CCDC30: variants seen among roughly 807,000 people sequenced by gnomAD.
The protein encoded by CCDC30 is coiled-coil domain containing 30.
Under a neutral mutation model 100.2 loss-of-function variants are expected in CCDC30, and 70 were observed. That is an observed-to-expected ratio of 0.70 (90% CI 0.58 to 0.85). The LOEUF (loss-of-function observed/expected upper bound fraction) is 0.85, where lower values mean the gene tolerates loss of function less well. CCDC30 is among the 40% of genes least tolerant of loss of function. CCDC30 has a pLI of 0.00. For synonymous variants in CCDC30, 233 were observed against 269.5 expected (o/e 0.86, Z 1.33); for missense variants, 652 against 771.2 (o/e 0.85, Z 1.83).
intron 11 of CCDC30, among the ~76,000 whole-genome samples, chr1:42,634,249 CAAAAA>C (rs754829759): frequency 0.11 from 11,912 of 113,336 alleles, 288 homozygotes; most frequent in East Asian, 0.25. Context: ...AAGACTGTCT[CAAAAA>C]AAAAAAAAAA....
chr1:42,602,653 A>C (rs552567557), intron 10 of CCDC30, among the ~76,000 whole-genome samples: 1 of 152,292 alleles, frequency 6.6e-6, no homozygotes, highest in African/African-American at 2.4e-5. Flanking sequence ...CCACATACTA[A>C]CCTTCTAAAA....
chr1:42,649,191 TA>T (rs1172856286), intron 15 of CCDC30, among the ~76,000 whole-genome samples: 1 of 152,124 alleles, frequency 6.6e-6, no homozygotes, highest in Non-Finnish European at 1.5e-5. Context: ...ACAAACTCAT[TA>T]AATGAGGCCA....
chr1:42,549,677 G>A (rs912576634), intron 6 of CCDC30, among the ~76,000 whole-genome samples: 1 of 152,092 alleles, frequency 6.6e-6, no homozygotes, highest in African/African-American at 2.4e-5. Flanking sequence ...ACACATAGTA[G>A]GTACTCACAA....
At chr1:42,627,172 G>C (rs575757227) in intron 11 of CCDC30, among the ~76,000 whole-genome samples, 2 of 152,286 alleles carry the variant, frequency 1.3e-5, no homozygotes, top group East Asian at 3.9e-4. Context: ...AACTTGTTGG[G>C]AACTGGAGCA....
At chr1:42,533,019 A>T (rs1039309107) in intron 6 of CCDC30, among the ~76,000 whole-genome samples, 1 of 152,142 alleles carries the variant, frequency 6.6e-6, no homozygotes, top group African/African-American at 2.4e-5. Flanking sequence ...GGCCTCCCAA[A>T]GTGCTGGGAT....
At chr1:42,585,902 C>A (rs183934588) in intron 9 of CCDC30, among the ~76,000 whole-genome samples, 1 of 150,550 alleles carries the variant, frequency 6.6e-6, no homozygotes, top group East Asian at 2.0e-4. Context: ...GACATTGTTA[C>A]ATAGATATAT....
intron 6 of CCDC30, chr1:42,537,112 G>A (rs1644920190): frequency 4.5e-6 from 2 of 447,178 alleles, no homozygotes; most frequent in Non-Finnish European, 8.9e-6. Context: ...GGGTAGCTCT[G>A]TTGTTTCTCC....
the CCDC30 span, chr1:42,456,586 A>G: frequency 1.1e-5 from 16 of 1,496,908 alleles, no homozygotes; most frequent in Non-Finnish European, 1.4e-5. Flanking sequence ...TGGATCCGGT[A>G]GCCGAGTTCC....
chr1:42,651,469 G>GA (rs890819237), intron 15 of CCDC30, among the ~76,000 whole-genome samples: 48 of 141,618 alleles, frequency 3.4e-4, no homozygotes, highest in South Asian at 1.8e-3. Context: ...ACAGATATAT[G>GA]AAAAAAAAAA....
At position 42,644,943 on chromosome 1, in the gene CCDC30, G is replaced by C. The variant is rs1369875016; in HGVS notation, c.1671+136G>C. 4 of 620,754 alleles carry C rather than the reference G, an allele frequency of 6.4e-6. No individual in the cohort carries two copies. The Admixed American group carries it at 1.1e-4, about 17-fold the overall frequency. The allele number at this position is 620,754 out of a possible 1,614,324, so 38.5% of individuals were successfully genotyped here. ...CCTCATGGTAGGCTGTGGCAAAGAG[G>C]CTCTTGGCTGCACACCAGGATAGCA... On this transcript the variant is annotated intron_variant, in intron 14 of 16. Transcript: ENST00000668663.
At chr1:42,627,400 T>C (rs114844160) in intron 11 of CCDC30, among the ~76,000 whole-genome samples, 1,916 of 152,250 alleles carry the variant, frequency 0.013, 43 homozygotes, top group African/African-American at 0.043. Context: ...TGCAGACTGA[T>C]GATGCAATAG....
rs1465433788 is a variant in CCDC30 at position 42,480,617 on chromosome 1, T to C, written c.15+51T>C. 11 of 985,194 alleles carry C rather than the reference T, an allele frequency of 1.1e-5. No individual in the cohort carries two copies. In the East Asian group the frequency reaches 3.4e-4, roughly 31 times the overall value. The allele number at this position is 985,194 out of a possible 1,614,324, so 61.0% of individuals were successfully genotyped here. Reference sequence around the variant, plus strand: ...GACATTTTTGTTCATGAAGACTGATTTATGTACGTTTCATTTATATATTGA... The same window carrying C: ...GACATTTTTGTTCATGAAGACTGATCTATGTACGTTTCATTTATATATTGA... On this transcript the variant is annotated intron_variant, in intron 2 of 16. Coordinates refer to ENST00000668663, the Ensembl canonical transcript of CCDC30.
At position 42,545,588 on chromosome 1, in the gene CCDC30, G is replaced by A; in HGVS notation, c.457-20708G>A. 1 of 1,594,954 alleles carries A rather than the reference G, an allele frequency of 6.3e-7. No homozygotes were observed. On this transcript the variant is annotated intron_variant, in intron 6 of 16. Coordinates refer to ENST00000668663, the Ensembl canonical transcript of CCDC30. ...GAGACAGAGGAACTCTGGTAAATTG[G>A]GAAAATCCTATATCACATTAATTAT...
chr1:42,627,401 G>C (rs908107276), intron 11 of CCDC30, among the ~76,000 whole-genome samples: 14 of 152,166 alleles, frequency 9.2e-5, no homozygotes, highest in African/African-American at 3.4e-4. Context: ...GCAGACTGAT[G>C]ATGCAATAGA....
intron 10 of CCDC30, among the ~76,000 whole-genome samples, chr1:42,601,177 G>A (rs966766200): frequency 6.6e-6 from 1 of 152,162 alleles, no homozygotes; most frequent in African/African-American, 2.4e-5. Flanking sequence ...GAAATCGCAA[G>A]AGAAATTTCA....
the CCDC30 span, chr1:42,456,493 A>G: frequency 2.1e-6 from 3 of 1,403,060 alleles, no homozygotes; most frequent in South Asian, 4.5e-5. Flanking sequence ...CGCGGCGCGT[A>G]CACCAGGTAG....
chr1:42,604,589 A>C (rs573886221), intron 10 of CCDC30, among the ~76,000 whole-genome samples: 1 of 152,328 alleles, frequency 6.6e-6, no homozygotes, highest in South Asian at 2.1e-4. Flanking sequence ...CTTAAGGTCC[A>C]CACCTCGAAT....
intron 8 of CCDC30, among the ~76,000 whole-genome samples, chr1:42,580,030 A>G (rs1044089888): frequency 1.5e-4 from 23 of 152,098 alleles, no homozygotes; most frequent in Non-Finnish European, 8.8e-5. Flanking sequence ...GTGGAGAGGG[A>G]TGAGGGATAA....
intron 11 of CCDC30, among the ~76,000 whole-genome samples, chr1:42,611,477 T>G (rs1646622063): frequency 6.6e-6 from 1 of 152,046 alleles, no homozygotes; most frequent in Admixed American, 6.6e-5. Context: ...AAAATATTAC[T>G]AATATGTATA....
Sources: allele counts gnomAD v4.1 joint callset (sites outside exome capture counted in the v4.1 genomes callset), GRCh38; gene constraint gnomAD v4.1.1; transcripts MANE v1.5; gene names NCBI Gene and HGNC (gene_info 2026-07-23, HGNC 2026-07-21).